CERS6: variants seen among roughly 807,000 people sequenced by gnomAD.
The protein encoded by CERS6 is ceramide synthase 6.
In CERS6, 26 loss-of-function variants were observed where a neutral mutation model predicts 56.8. That is an observed-to-expected ratio of 0.46 (90% CI 0.34 to 0.63). The LOEUF (loss-of-function observed/expected upper bound fraction) is 0.63. Among genes scored for constraint, CERS6 ranks in the 30% least tolerant of loss-of-function variants. CERS6 has a pLI of 0.01. For missense variants in CERS6, 415 were observed against 467.5 expected (o/e 0.89, Z 1.04); for synonymous variants, 164 against 173.3 (o/e 0.95, Z 0.42).
chr2:168,768,904 C>CAAAAAAAAAAAAAA, intron 9 of CERS6, among the ~76,000 whole-genome samples: 1 of 59,412 alleles, frequency 1.7e-5, no homozygotes. Context: ...GACTCTGACT[C>CAAAAAAAAAAAAAA]AAAAAAAAAA....
intron 6 of CERS6, among the ~76,000 whole-genome samples, chr2:168,699,625 A>G (rs920119405): frequency 6.6e-5 from 10 of 152,152 alleles, no homozygotes; most frequent in Admixed American, 2.0e-4. Flanking sequence ...ATTTCCATAT[A>G]GAATCTGAAG....
chr2:168,668,179 G>C (rs942689369), intron 4 of CERS6, among the ~76,000 whole-genome samples: 3 of 152,166 alleles, frequency 2.0e-5, no homozygotes, highest in African/African-American at 7.2e-5. Context: ...TCTTGACTTT[G>C]CATTGTATCC....
At chr2:168,636,829 A>C (rs955138102) in intron 4 of CERS6, among the ~76,000 whole-genome samples, 1 of 151,916 alleles carries the variant, frequency 6.6e-6, no homozygotes, top group Non-Finnish European at 1.5e-5. Context: ...CTGGCATTCT[A>C]TCTGAGAGGG....
intron 9 of CERS6, among the ~76,000 whole-genome samples, chr2:168,769,098 T>G (rs1346175698): frequency 6.6e-6 from 1 of 152,042 alleles, no homozygotes. Context: ...TCCATTGCTA[T>G]GGTTAATTGA....
intron 4 of CERS6, among the ~76,000 whole-genome samples, chr2:168,640,293 A>G (rs1262831731): frequency 6.6e-6 from 1 of 152,184 alleles, no homozygotes; most frequent in Non-Finnish European, 1.5e-5. Flanking sequence ...CTGCCATACA[A>G]AGCAGTCCCT....
chr2:168,657,267 C>T (rs1685502659), intron 4 of CERS6, among the ~76,000 whole-genome samples: 1 of 152,154 alleles, frequency 6.6e-6, no homozygotes, highest in African/African-American at 2.4e-5. Context: ...TTGGTGCACT[C>T]ACAAACCTTG....
chr2:168,744,000 T>TTC (rs1045055369), intron 8 of CERS6, among the ~76,000 whole-genome samples: 1 of 129,150 alleles, frequency 7.7e-6, no homozygotes, highest in African/African-American at 3.3e-5. Flanking sequence ...TTTTTCTTTT[T>TTC]TTTTTTTTTT....
At chr2:168,465,322 G>C (rs1364984422) in intron 1 of CERS6, among the ~76,000 whole-genome samples, 1 of 152,122 alleles carries the variant, frequency 6.6e-6, no homozygotes, top group African/African-American at 2.4e-5. Context: ...CCACTTTCTG[G>C]GTCACAGATG....
chr2:168,579,279 G>T (rs948554654), intron 3 of CERS6, among the ~76,000 whole-genome samples: 6 of 152,132 alleles, frequency 3.9e-5, no homozygotes, highest in Non-Finnish European at 7.4e-5. Flanking sequence ...AGTTGGGGGG[G>T]CACTGGAGAG....
intron 8 of CERS6, among the ~76,000 whole-genome samples, chr2:168,758,144 A>G (rs1684467794): frequency 6.6e-6 from 1 of 152,244 alleles, no homozygotes; most frequent in African/African-American, 2.4e-5. Flanking sequence ...TAGTCATCTT[A>G]GGTAGAATCT....
chr2:168,648,500 C>T (rs1404837582), intron 4 of CERS6, among the ~76,000 whole-genome samples: 1 of 152,028 alleles, frequency 6.6e-6, no homozygotes, highest in Admixed American at 6.6e-5. Context: ...TCTTTTGAAT[C>T]ATTTTTCATG....
intron 4 of CERS6, among the ~76,000 whole-genome samples, chr2:168,643,192 TAAGCTAGTACTTG>T (rs1240590552): frequency 6.8e-6 from 1 of 146,692 alleles, no homozygotes; most frequent in Non-Finnish European, 1.5e-5. Flanking sequence ...AATTTTTACT[TAAGCTAGTACTTG>T]AAGCTATAAA....
chr2:168,658,996 G>A (rs1369596954), intron 4 of CERS6, among the ~76,000 whole-genome samples: 2 of 152,242 alleles, frequency 1.3e-5, no homozygotes, highest in African/African-American at 4.8e-5. Context: ...AGGATACCCT[G>A]TATCACACAG....
At chr2:168,617,718 A>G (rs1381572988) in intron 3 of CERS6, among the ~76,000 whole-genome samples, 2 of 152,178 alleles carry the variant, frequency 1.3e-5, no homozygotes, top group African/African-American at 4.8e-5. Flanking sequence ...AATAACAAGC[A>G]GTGAGATTCA....
chr2:168,560,127 G>C (rs1695761226), intron 2 of CERS6, among the ~76,000 whole-genome samples: 1 of 152,100 alleles, frequency 6.6e-6, no homozygotes, highest in Non-Finnish European at 1.5e-5. Flanking sequence ...AAGGTGAAAG[G>C]CATGTCCCAT....
intron 1 of CERS6, among the ~76,000 whole-genome samples, chr2:168,498,732 A>G (rs1694521691): frequency 1.3e-5 from 2 of 152,214 alleles, no homozygotes; most frequent in Admixed American, 1.3e-4. Flanking sequence ...GTGGTCTCTT[A>G]CCAGGAAGGA....
intron 4 of CERS6, among the ~76,000 whole-genome samples, chr2:168,637,435 TC>T (rs1469582447): frequency 1.3e-5 from 2 of 151,958 alleles, no homozygotes; most frequent in Non-Finnish European, 2.9e-5. Flanking sequence ...TGAGCTGAGA[TC>T]CTGCCACTGC....
At chr2:168,659,352 G>A (rs948566337) in intron 4 of CERS6, among the ~76,000 whole-genome samples, 4 of 152,058 alleles carry the variant, frequency 2.6e-5, no homozygotes, top group Non-Finnish European at 4.4e-5. Flanking sequence ...TCCCTCACAC[G>A]ATTTCCTACC....
intron 1 of CERS6, among the ~76,000 whole-genome samples, chr2:168,469,127 T>C (rs1424796305): frequency 6.6e-6 from 1 of 152,178 alleles, no homozygotes. Flanking sequence ...GAAAATAATA[T>C]ATGTATGTAT....
Sources: allele counts gnomAD v4.1 joint callset (sites outside exome capture counted in the v4.1 genomes callset), GRCh38; gene constraint gnomAD v4.1.1; transcripts MANE v1.5; gene names NCBI Gene and HGNC (gene_info 2026-07-23, HGNC 2026-07-21).